Variants in SQLE observed in about 807,000 individuals in gnomAD.
SQLE encodes squalene monooxygenase.
A neutral mutation model predicts 60.7 loss-of-function variants in SQLE; 29 were observed. That is an observed-to-expected ratio of 0.48 (90% CI 0.36 to 0.65). SQLE has a LOEUF of 0.65. Ranked by LOEUF, SQLE falls within the 30% of genes least tolerant of loss-of-function variation. The pLI is 0.00. For synonymous variants in SQLE, 237 were observed against 246.8 expected, an observed-to-expected ratio of 0.96 and a Z score of 0.37; for missense variants, 605 against 684.1, an observed-to-expected ratio of 0.88 and a Z score of 1.29.
At chr8:125,003,490 C>T in intron 2 of SQLE, 62 bp downstream of exon 2, 9 of 1,549,286 alleles carry the variant, frequency 5.8e-6, no homozygotes, top group Non-Finnish European at 7.9e-6. Flanking sequence ...TCACTTAGAC[C>T]ATCCTATGAC....
chr8:125,021,070 G>A (rs535737131), intron 10 of SQLE, 199 bp downstream of exon 10: 29 of 503,512 alleles, frequency 5.8e-5, no homozygotes, highest in African/African-American at 5.2e-4. Context: ...GCAGTTAAAG[G>A]TGGTGGTAGA....
chr8:125,022,007 G>A lies in SQLE; in HGVS notation c.*62G>A, dbSNP rs1815217458. ...ACTTACCAAGTCCTAAGAGACTTTTGGAAGAGGATATATATAGCATAGTAC... is the reference window on the plus strand; with the variant it reads ...ACTTACCAAGTCCTAAGAGACTTTTAGAAGAGGATATATATAGCATAGTAC... On this transcript the variant is annotated 3_prime_UTR_variant, in exon 11 of 11. Coordinates refer to ENST00000265896, the MANE Select transcript of SQLE (RefSeq NM_003129.4). The A allele has an allele frequency of 4.5e-6, 6 of 1,321,982 alleles. No homozygotes were observed. The highest frequency in any genetic ancestry group is 4.6e-5 in the Admixed American group (2 of 43,342). The allele number at this position is 1,321,982 out of a possible 1,614,324, so 81.9% of individuals were successfully genotyped here.
rs776947589 is a variant in SQLE, at chr8:124,999,454, C to A, written c.51C>A (p.Phe17Leu). The A allele has an allele frequency of 1.3e-6, 2 of 1,545,740 alleles. No homozygotes were observed. The highest frequency in any genetic ancestry group is 1.2e-5 in the South Asian group (1 of 81,706). Residue 17 changes from phenylalanine to leucine, a missense_variant, in exon 1 of 11, where the codon TTC becomes TTA. By Grantham distance (22) the Phe-to-Leu change is conservative. Transcript: ENST00000265896. ...CTTTCACCTATTTTTATAAGAAGTT[C>A]GGGGACTTCATCACTTTGGCCAACA... Reference protein sequence around the residue: ...IATFTYFYKKFGDFITLANRE... With the variant: ...IATFTYFYKKLGDFITLANRE...
intron 1 of SQLE, among the ~76,000 whole-genome samples, chr8:125,000,891 C>A (rs762651728): frequency 3.3e-5 from 5 of 152,164 alleles, no homozygotes; most frequent in Non-Finnish European, 2.9e-5. Context: ...TTTGCGCCAC[C>A]ATTTCTGGAT....
chr8:125,000,069 CG>C (rs1588110767), intron 1 of SQLE: 3 of 468,060 alleles, frequency 6.4e-6, no homozygotes, highest in Admixed American at 2.3e-5. Context: ...AAACGTGCTG[CG>C]GGTAAGTCCA....
intron 4 of SQLE, among the ~76,000 whole-genome samples, chr8:125,008,070 CTTTTA>C (rs1055932948): frequency 5.3e-5 from 8 of 151,944 alleles, no homozygotes; most frequent in Admixed American, 6.6e-5. Context: ...ACAATTTATC[CTTTTA>C]TTTTATTTTA....
intron 9 of SQLE, among the ~76,000 whole-genome samples, chr8:125,019,939 G>A (rs1023378358): frequency 6.6e-6 from 1 of 152,122 alleles, no homozygotes; most frequent in Admixed American, 6.5e-5. Flanking sequence ...AATTGGCATA[G>A]AAGTTAAAAT....
At chr8:125,014,740 AT>A (rs957487721) in intron 7 of SQLE, among the ~76,000 whole-genome samples, 49 of 152,272 alleles carry the variant, frequency 3.2e-4, no homozygotes, top group African/African-American at 1.2e-3. Context: ...CATAGTACTG[AT>A]TTCTAGTTTT....
rs1012758832 is a variant in SQLE, at chr8:125,009,240, C to T, written c.1005C>T (p.Tyr335=). The T allele has an allele frequency of 6.2e-7, 1 of 1,613,872 alleles. No individual in the cohort carries two copies. The highest frequency in any genetic ancestry group is 1.7e-5 in the Admixed American group (1 of 60,016). ...CTAACCCGAGTCCAGTTCTCATCTA[C>T]CAGATTTCATCCAGTGAAACTCGAG... The part of the protein sequence containing the change: ...ILANPSPVLI[Y]QISSSETRVL... The change falls in exon 6 of 11, where the codon TAC becomes TAT. Residue 335 remains tyrosine, a synonymous_variant. Transcript: ENST00000265896.
intron 8 of SQLE, 142 bp from the exon 9 acceptor site, chr8:125,018,488 AT>A (rs574398213): frequency 5.6e-5 from 38 of 674,422 alleles, no homozygotes; most frequent in Non-Finnish European, 7.5e-5. Context: ...GTGATTTTTT[AT>A]TTTTTTTGTA....
intron 7 of SQLE, 166 bp from the exon 8 acceptor site, chr8:125,017,893 C>T: frequency 1.4e-6 from 1 of 738,268 alleles, no homozygotes; most frequent in Non-Finnish European, 2.1e-6. Flanking sequence ...ATTCAAACAA[C>T]TCTTGAATTT....
chr8:125,000,176 C>CA (rs1240867892), intron 1 of SQLE: 25 of 391,318 alleles, frequency 6.4e-5, no homozygotes, highest in South Asian at 4.3e-4. Flanking sequence ...GCATTGGGCT[C>CA]AAAGTTCTCC....
In SQLE at chr8:124,998,756, C is replaced by A; in HGVS notation, c.-648C>A. 1.9e-6 allele frequency: 1 copy of A among 531,730 alleles called. No homozygotes were observed. The highest frequency in any genetic ancestry group is 3.3e-6 in the Non-Finnish European group (1 of 298,646). The allele number at this position is 531,730 out of a possible 1,614,324, so 32.9% of individuals were successfully genotyped here. A position where few individuals can be genotyped will look rare whatever the true frequency, so the allele number is the denominator to read the frequency against. On this transcript the variant is annotated 5_prime_UTR_variant, in exon 1 of 11. It adds an upstream start codon to the 5' untranslated region. Coordinates refer to ENST00000265896, the MANE Select transcript of SQLE (RefSeq NM_003129.4). ...ATCTTTAGGTTGGGGCTGCATTGCCCTGGAGCCGCACTCTTGAGTCCGAGG... is the reference window on the plus strand; with the variant it reads ...ATCTTTAGGTTGGGGCTGCATTGCCATGGAGCCGCACTCTTGAGTCCGAGG...
chr8:125,015,212 A>G (rs1242972892), intron 7 of SQLE, among the ~76,000 whole-genome samples: 1 of 152,054 alleles, frequency 6.6e-6, no homozygotes, highest in African/African-American at 2.4e-5. Flanking sequence ...TGTAAATATC[A>G]CTATGCTCTT....
intron 3 of SQLE, among the ~76,000 whole-genome samples, chr8:125,006,169 C>T (rs1255347713): frequency 6.6e-6 from 1 of 152,190 alleles, no homozygotes; most frequent in African/African-American, 2.4e-5. Flanking sequence ...TACCAGTAAC[C>T]TTTAAAACAC....
chr8:125,007,528 T>C lies in SQLE; in HGVS notation c.822+41T>C, dbSNP rs560199783. On this transcript the variant is annotated intron_variant, in intron 4 of 10. Coordinates refer to ENST00000265896, the MANE Select transcript of SQLE (RefSeq NM_003129.4). ...TGTCACCTCTTCCTAAGAGATGTTGTTTTTCCTGCTTTTTCACTTACCCCT... is the reference window on the plus strand; with the variant it reads ...TGTCACCTCTTCCTAAGAGATGTTGCTTTTCCTGCTTTTTCACTTACCCCT... 197 of 1,349,140 alleles carry C rather than the reference T, an allele frequency of 1.5e-4. No individual in the cohort carries two copies. In the African/African-American group the frequency reaches 2.4e-3, roughly 16 times the overall value. 83.6% of individuals were successfully genotyped at this position (1,349,140 alleles called of 1,614,324 possible). A position where few individuals can be genotyped will look rare whatever the true frequency, so the allele number is the denominator to read the frequency against.
In SQLE at chr8:125,018,666, T is replaced by C. The variant is rs758151458; in HGVS notation, c.1383T>C (p.Ser461=). The change falls in exon 9 of 11, where the codon TCT becomes TCC. Residue 461 remains serine, a synonymous_variant. Coordinates refer to ENST00000265896, the MANE Select transcript of SQLE (RefSeq NM_003129.4). ...CATTTTACTGGGCAAGAAAAACATCTCATTCCTTTGTCGTGAATATCCTTG... is the reference window on the plus strand; with the variant it reads ...CATTTTACTGGGCAAGAAAAACATCCCATTCCTTTGTCGTGAATATCCTTG... ...KKSFYWARKT[S]HSFVVNILAQ... The C allele has an allele frequency of 6.2e-7, 1 of 1,606,886 alleles. No individual in the cohort carries two copies. Among genetic ancestry groups the C allele is most frequent in the South Asian group, 1.1e-5 (1 of 88,810 alleles).
chr8:125,020,342 T>C (rs1347550146), intron 9 of SQLE, among the ~76,000 whole-genome samples: 1 of 152,202 alleles, frequency 6.6e-6, no homozygotes, highest in Non-Finnish European at 1.5e-5. Flanking sequence ...TTAAAAACTT[T>C]ATAGATATAA....
intron 7 of SQLE, 121 bp from the exon 8 acceptor site, chr8:125,017,938 A>G: frequency 8.5e-7 from 1 of 1,179,336 alleles, no homozygotes; most frequent in Non-Finnish European, 1.2e-6. Flanking sequence ...ATTTGTTTTC[A>G]TGTATTTTCA....
Sources: allele counts gnomAD v4.1 joint callset (sites outside exome capture counted in the v4.1 genomes callset), GRCh38; gene constraint gnomAD v4.1.1; transcripts MANE v1.5; gene names NCBI Gene and HGNC (gene_info 2026-07-23, HGNC 2026-07-21).